The following MTSS2 variants were observed in gnomAD, a reference collection of about 807,000 sequenced individuals.
MTSS2 encodes protein MTSS 2.
A neutral mutation model predicts 67.1 loss-of-function variants in MTSS2; 27 were observed. The ratio of observed to expected loss-of-function variants is 0.40; its 90% confidence interval spans 0.30 to 0.55. The LOEUF (loss-of-function observed/expected upper bound fraction) is 0.55, where lower values mean the gene tolerates loss of function less well. Ranked by LOEUF, MTSS2 falls within the 20% of genes least tolerant of loss-of-function variation. The pLI is 0.43. For missense variants in MTSS2, 1,171 were observed against 1,067.8 expected (o/e 1.10, Z -1.35); for synonymous variants, 624 against 468.6 (o/e 1.33, Z -4.28).
At position 70,664,155 on chromosome 16, in the gene MTSS2, G is replaced by C; in HGVS notation, c.1766C>G (p.Pro589Arg). ...CGTGGGCGTCTTCACAGGGACGATG[G>C]GCGGCCGGATGGGGATGGGGCCAGC... ...SSAGPIPIRP[P>R]IVPVKTPTVP... is the part of the protein sequence containing the mutation. Residue 589 changes from proline to arginine, a missense_variant, in exon 15 of 15, where the codon CCC (proline) becomes CGC (arginine). Coordinates refer to ENST00000338779, the MANE Select transcript of MTSS2 (RefSeq NM_138383.3). 6.2e-7 allele frequency: 1 copy of C among 1,607,876 alleles called. No individual in the cohort carries two copies. Among genetic ancestry groups the C allele is most frequent in the Non-Finnish European group, 8.5e-7 (1 of 1,179,572 alleles).
At chr16:70,681,456 G>A (rs897659054) in intron 1 of MTSS2, among the ~76,000 whole-genome samples, 1 of 152,244 alleles carries the variant, frequency 6.6e-6, no homozygotes, top group Non-Finnish European at 1.5e-5. Flanking sequence ...CCCACCAGGG[G>A]CAGAGGCACA....
chr16:70,662,905 C>A lies in MTSS2; in HGVS notation c.*772G>T, dbSNP rs1453110821. On this transcript the variant is annotated 3_prime_UTR_variant, in exon 15 of 15. Transcript: ENST00000338779. ...TGCCTGTGTGGCTGGCCGGTGACCC[C>A]AGGGCCTCCGGCCTCCTAACCCTGC... 1 of 152,458 alleles carries A rather than the reference C, an allele frequency of 6.6e-6. No homozygotes were observed. Among genetic ancestry groups the A allele is most frequent in the African/African-American group, 2.4e-5 (1 of 41,474 alleles). The allele number at this position is 152,458 out of a possible 1,614,324, so 9.4% of individuals were successfully genotyped here.
At chr16:70,666,482 C>G (rs561135998) in intron 11 of MTSS2, among the ~76,000 whole-genome samples, 3 of 152,302 alleles carry the variant, frequency 2.0e-5, no homozygotes, top group African/African-American at 4.8e-5. Flanking sequence ...CTGGGGCAGA[C>G]GCCAGCTTCA....
intron 11 of MTSS2, among the ~76,000 whole-genome samples, chr16:70,666,288 G>C (rs1345584966): frequency 6.6e-6 from 1 of 152,218 alleles, no homozygotes; most frequent in African/African-American, 2.4e-5. Context: ...TACCATAGAA[G>C]GGGGTGGGGG....
chr16:70,674,211 TC>T, intron 11 of MTSS2, 94 bp downstream of exon 11: 3 of 1,112,916 alleles, frequency 2.7e-6, no homozygotes, highest in Non-Finnish European at 3.9e-6. Flanking sequence ...GCTATAGTAG[TC>T]TCAACAGCTA....
Position 70,674,415 on chromosome 16 carries a change from G to C in MTSS2, c.944C>G (p.Thr315Ser), listed in dbSNP as rs761052246. ...AACGCTGGAGAGGCGAGCGGTGGTG[G>C]TGGCTGGCTGCGCCAGGCTGCGGTA... ...CRYRSLAQPATTTARLSSVSS... is the reference protein window; with the variant it reads ...CRYRSLAQPASTTARLSSVSS... Residue 315 changes from threonine (T) to serine (S), a missense_variant, in exon 11 of 15, where the codon ACC (threonine) becomes AGC (serine). By Grantham distance (58) the Thr-to-Ser change is moderately conservative. Transcript: ENST00000338779. 1.7e-5 allele frequency: 28 copies of C among 1,614,224 alleles called. 1 individual carries two copies. In the East Asian group the frequency reaches 5.8e-4, roughly 33 times the overall value.
In MTSS2 at chr16:70,662,961, C is replaced by G. The variant is rs577329683; in HGVS notation, c.*716G>C. The G allele has an allele frequency of 6.5e-6, 1 of 152,678 alleles. No individual in the cohort carries two copies. Among genetic ancestry groups the G allele is most frequent in the Non-Finnish European group, 1.5e-5 (1 of 68,324 alleles). 9.5% of individuals were successfully genotyped at this position (152,678 alleles called of 1,614,324 possible). The stretch of plus-strand genomic sequence containing the variant: ...TAGTTTCCAAAGAGCTGCTCTGGCC[C>G]CCTCCAGCCAGCCTCACGGGGTGGG... On this transcript the variant is annotated 3_prime_UTR_variant, in exon 15 of 15. Transcript: ENST00000338779.
chr16:70,664,440 T>A lies in MTSS2; in HGVS notation c.1481A>T (p.Tyr494Phe). 6.5e-7 allele frequency: 1 copy of A among 1,538,036 alleles called. No individual in the cohort carries two copies. Among genetic ancestry groups the A allele is most frequent in the Non-Finnish European group, 8.7e-7 (1 of 1,143,768 alleles). ...EDTIPSQGSD[Y>F]DCYSVNGDAD... ...ATCCCCATTCACGGAGTAGCAGTCG[T>A]AGTCGGAGCCTGGGGGCACGGGACA... Residue 494 changes from tyrosine (Y) to phenylalanine (F), a missense_variant, in exon 15 of 15, where the codon TAC (tyrosine) becomes TTC (phenylalanine). By Grantham distance (22) the Tyr-to-Phe change is conservative. Transcript: ENST00000338779.
chr16:70,672,341 CAAAAAAAAAA>C lies in MTSS2; in HGVS notation c.1053+1955_1053+1964del, dbSNP rs11297993. Among the ~76,000 whole-genome samples, 3 of 80,870 alleles carry C rather than the reference CAAAAAAAAAA, an allele frequency of 3.7e-5. 1 individual carries two copies. The highest frequency in any genetic ancestry group is 0.018 in the Middle Eastern group (2 of 114). 53.1% of individuals were successfully genotyped at this position (80,870 alleles called of 152,430 possible). On this transcript the variant is annotated intron_variant, in intron 11 of 14. Transcript: ENST00000338779. The stretch of plus-strand genomic sequence containing the variant: ...CAGCCTGGGTGATAAGAGCAAAATT[CAAAAAAAAAA>C]AAAAAAAAAAAGGAAAAGAGAAAAA...
chr16:70,669,595 TA>T (rs1233095958), intron 11 of MTSS2, among the ~76,000 whole-genome samples: 1 of 152,006 alleles, frequency 6.6e-6, no homozygotes, highest in Non-Finnish European at 1.5e-5. Flanking sequence ...GCGGGCGGAT[TA>T]CCTGAGGTCA....
rs181169195 is a variant in MTSS2, at chr16:70,664,157, C to T, written c.1764G>A (p.Pro588=). 2.1e-4 allele frequency: 342 copies of T among 1,607,382 alleles called. 2 individuals are homozygous for T. In the East Asian group the frequency reaches 6.2e-3, roughly 29 times the overall value. ...LSSAGPIPIR[P]PIVPVKTPTV... Reference sequence around the variant, plus strand: ...TGGGCGTCTTCACAGGGACGATGGGCGGCCGGATGGGGATGGGGCCAGCGC... The same window carrying T: ...TGGGCGTCTTCACAGGGACGATGGGTGGCCGGATGGGGATGGGGCCAGCGC... Residue 588 remains proline, a synonymous_variant, in exon 15 of 15, where the codon CCG becomes CCA. Transcript: ENST00000338779.
chr16:70,681,930 C>A (rs1378132436), intron 1 of MTSS2, among the ~76,000 whole-genome samples: 1 of 152,324 alleles, frequency 6.6e-6, no homozygotes, highest in Middle Eastern at 3.4e-3. Context: ...GCCAGCCAAG[C>A]CCCAGCCCAC....
chr16:70,666,034 T>C (rs761220571), intron 11 of MTSS2, among the ~76,000 whole-genome samples: 17 of 151,874 alleles, frequency 1.1e-4, no homozygotes, highest in Non-Finnish European at 2.5e-4. Context: ...CAGGGAGAAG[T>C]TGGGGTTGGA....
At chr16:70,677,941 C>T (rs769447392) in intron 8 of MTSS2, 42 bp from the exon 9 acceptor site, 1 of 1,419,472 alleles carries the variant, frequency 7.0e-7, no homozygotes, top group Non-Finnish European at 9.5e-7. Context: ...CTATCGCCCA[C>T]CTGCCCGCCT....
At chr16:70,675,667 C>T (rs1458159962) in intron 10 of MTSS2, among the ~76,000 whole-genome samples, 2 of 152,224 alleles carry the variant, frequency 1.3e-5, no homozygotes, top group Non-Finnish European at 2.9e-5. Flanking sequence ...CCGCCTGCCT[C>T]GGCCTCCCGA....
Position 70,661,438 on chromosome 16 carries a change from T to G in MTSS2, c.*2239A>C. 2.7e-6 allele frequency: 1 copy of G among 369,946 alleles called. No individual in the cohort carries two copies. The highest frequency in any genetic ancestry group is 1.0e-3 in the Middle Eastern group (1 of 1,002). 22.9% of individuals were successfully genotyped at this position (369,946 alleles called of 1,614,324 possible). ...GGGCTGCCTGGGGTGGGGGAATAAATTAAAAAAAGGAACGAGTTAACAACA... is the reference window on the plus strand; with the variant it reads ...GGGCTGCCTGGGGTGGGGGAATAAAGTAAAAAAAGGAACGAGTTAACAACA... On this transcript the variant is annotated 3_prime_UTR_variant, in exon 15 of 15. Coordinates refer to ENST00000338779, the MANE Select transcript of MTSS2 (RefSeq NM_138383.3).
At position 70,661,915 on chromosome 16, in the gene MTSS2, A is replaced by T. The variant is rs980183815; in HGVS notation, c.*1762T>A. On this transcript the variant is annotated 3_prime_UTR_variant, in exon 15 of 15. Coordinates refer to ENST00000338779, the MANE Select transcript of MTSS2 (RefSeq NM_138383.3). Reference sequence around the variant, plus strand: ...GGGGAGAATGTGTGGCGGAAATTCTACCCAAGACTCCCCAAATAATTGGTC... The same window carrying T: ...GGGGAGAATGTGTGGCGGAAATTCTTCCCAAGACTCCCCAAATAATTGGTC... The T allele has an allele frequency of 6.5e-6, 1 of 153,732 alleles. No homozygotes were observed. Among genetic ancestry groups the T allele is most frequent in the African/African-American group, 2.4e-5 (1 of 41,378 alleles). The allele number at this position is 153,732 out of a possible 1,614,324, so 9.5% of individuals were successfully genotyped here. A position where few individuals can be genotyped will look rare whatever the true frequency, so the allele number is the denominator to read the frequency against.
rs1188179166 is a variant in MTSS2, at chr16:70,680,734, C to T, written c.205+60G>A. On this transcript the variant is annotated intron_variant, in intron 3 of 14. Transcript: ENST00000338779. ...TTCCCTGGCCCATCCCCTACTCTTC[C>T]TTTCCAGCCTCCAGGCCCACCCTGG... The T allele has an allele frequency of 1.5e-5, 22 of 1,470,830 alleles. No homozygotes were observed. In the Admixed American group the frequency reaches 4.1e-4, roughly 28 times the overall value. 91.1% of individuals were successfully genotyped at this position (1,470,830 alleles called of 1,614,324 possible). A position where few individuals can be genotyped will look rare whatever the true frequency, so the allele number is the denominator to read the frequency against.
At chr16:70,669,958 A>G (rs1284090398) in intron 11 of MTSS2, among the ~76,000 whole-genome samples, 2 of 151,968 alleles carry the variant, frequency 1.3e-5, no homozygotes. Context: ...GCTGGTGAGG[A>G]TGTGGAACAG....
Sources: allele counts gnomAD v4.1 joint callset (sites outside exome capture counted in the v4.1 genomes callset), GRCh38; gene constraint gnomAD v4.1.1; transcripts MANE v1.5; gene names NCBI Gene and HGNC (gene_info 2026-07-23, HGNC 2026-07-21).